PLCL1: variants seen among roughly 807,000 people sequenced by gnomAD.
PLCL1 encodes phospholipase C like 1 (inactive).
A neutral mutation model predicts 84.4 loss-of-function variants in PLCL1; 41 were observed. The observed-to-expected ratio is 0.49, with a 90% CI of 0.38 to 0.63. The LOEUF is 0.63. Among genes scored for constraint, PLCL1 ranks in the 30% least tolerant of loss-of-function variants. PLCL1 has a pLI of 0.00. For synonymous variants in PLCL1, 490 were observed against 488.3 expected (o/e 1.00, Z -0.05); for missense variants, 1,206 against 1,367.8 (o/e 0.88, Z 1.87).
At chr2:198,035,684 G>A (rs569553578) in intron 1 of PLCL1, among the ~76,000 whole-genome samples, 1 of 152,188 alleles carries the variant, frequency 6.6e-6, no homozygotes, top group Non-Finnish European at 1.5e-5. Flanking sequence ...AAATAGATGA[G>A]CAACTATGTA....
chr2:197,971,955 C>A (rs1689877015), intron 1 of PLCL1, among the ~76,000 whole-genome samples: 1 of 152,134 alleles, frequency 6.6e-6, no homozygotes, highest in Admixed American at 6.5e-5. Flanking sequence ...TAAAAGTAAT[C>A]AGAAGTATAC....
intron 1 of PLCL1, among the ~76,000 whole-genome samples, chr2:197,978,401 C>T (rs575683727): frequency 1.3e-5 from 2 of 152,092 alleles, no homozygotes; most frequent in African/African-American, 4.8e-5. Context: ...GGCGTGAACC[C>T]GGGAGGCAGA....
chr2:198,015,666 A>C (rs1381872341), intron 1 of PLCL1, among the ~76,000 whole-genome samples: 2 of 152,208 alleles, frequency 1.3e-5, no homozygotes, highest in Non-Finnish European at 2.9e-5. Context: ...TGAGAGAGAC[A>C]GACAGCTCCG....
rs765368018 is a variant in PLCL1 at position 198,084,372 on chromosome 2, A to G, written c.855A>G (p.Lys285=). The change falls in exon 2 of 6, where the codon AAA becomes AAG. Residue 285 remains lysine, a synonymous_variant. Transcript: ENST00000428675. ...LKEAKIRLKF[K]EIQKSKEKLT... ...AAGCCAAGATCAGGTTAAAGTTTAA[A>G]GAAATCCAGAAGAGCAAGGAAAAAC... The G allele has an allele frequency of 6.2e-7, 1 of 1,614,182 alleles. No homozygotes were observed. Among genetic ancestry groups the G allele is most frequent in the Non-Finnish European group, 8.5e-7 (1 of 1,180,000 alleles).
At chr2:197,863,302 A>G (rs537335809) in intron 1 of PLCL1, among the ~76,000 whole-genome samples, 5 of 152,268 alleles carry the variant, frequency 3.3e-5, no homozygotes, top group Admixed American at 3.3e-4. Context: ...GACAAACTTA[A>G]AATGTTTTCT....
chr2:198,104,595 A>G (rs1693426729), intron 5 of PLCL1, among the ~76,000 whole-genome samples: 1 of 151,980 alleles, frequency 6.6e-6, no homozygotes, highest in African/African-American at 2.4e-5. Context: ...ATTCTGTTTT[A>G]AGTTCTTTGA....
Position 198,045,715 on chromosome 2 carries a change from T to A in PLCL1, c.241-38043T>A, listed in dbSNP as rs143122264. 5.1e-3 allele frequency among the ~76,000 whole-genome samples: 770 copies of A among 152,312 alleles called. 10 individuals are homozygous for A. The highest frequency in any genetic ancestry group is 0.016 in the African/African-American group (684 of 41,580). Reference sequence around the variant, plus strand: ...AATCAATGGCTCTGCCAGATTCATATGTTAATTTTTAATGAGTAGACATTT... The same window carrying A: ...AATCAATGGCTCTGCCAGATTCATAAGTTAATTTTTAATGAGTAGACATTT... On this transcript the variant is annotated intron_variant, in intron 1 of 5. Transcript: ENST00000428675.
At chr2:198,101,431 G>T in intron 4 of PLCL1, 71 bp downstream of exon 4, 1 of 850,022 alleles carries the variant, frequency 1.2e-6, no homozygotes. Context: ...ATTCTTGGTA[G>T]ATTTTTTTTT....
At chr2:198,127,011 T>TGTGTGTGTG (rs762931586) in intron 5 of PLCL1, among the ~76,000 whole-genome samples, 23 of 56,846 alleles carry the variant, frequency 4.0e-4, no homozygotes, top group African/African-American at 1.3e-3. Context: ...TGTGTGTGTG[T>TGTGTGTGTG]GGGGGGTGGT....
intron 1 of PLCL1, among the ~76,000 whole-genome samples, chr2:197,832,203 A>G (rs537468017): frequency 2.4e-4 from 36 of 152,322 alleles, no homozygotes; most frequent in Middle Eastern, 3.4e-3. Context: ...TCAAAAAATC[A>G]ATGAATCCAA....
chr2:197,930,627 G>T (rs1688913301), intron 1 of PLCL1, among the ~76,000 whole-genome samples: 1 of 152,050 alleles, frequency 6.6e-6, no homozygotes, highest in Non-Finnish European at 1.5e-5. Context: ...TATGTTCATA[G>T]AACTCTAGGC....
chr2:198,127,205 T>C (rs186176783), intron 5 of PLCL1, among the ~76,000 whole-genome samples: 40 of 152,240 alleles, frequency 2.6e-4, no homozygotes, highest in African/African-American at 9.1e-4. Flanking sequence ...TTACTGTGAA[T>C]AATCATAAAT....
intron 5 of PLCL1, among the ~76,000 whole-genome samples, chr2:198,118,828 C>G (rs1032687142): frequency 2.0e-5 from 3 of 151,996 alleles, no homozygotes; most frequent in African/African-American, 7.2e-5. Flanking sequence ...AAGCATTTTT[C>G]TGTCTCTAAC....
At chr2:197,849,024 A>C (rs982479443) in intron 1 of PLCL1, among the ~76,000 whole-genome samples, 1 of 152,188 alleles carries the variant, frequency 6.6e-6, no homozygotes. Context: ...ATTGACAATG[A>C]AGACTTGGTA....
intron 1 of PLCL1, among the ~76,000 whole-genome samples, chr2:197,941,794 A>G (rs1036731286): frequency 6.6e-6 from 1 of 151,926 alleles, no homozygotes; most frequent in African/African-American, 2.4e-5. Context: ...TTAACATCTT[A>G]GCCCCACTGG....
intron 1 of PLCL1, among the ~76,000 whole-genome samples, chr2:197,923,657 G>A (rs904888942): frequency 6.8e-6 from 1 of 147,378 alleles, no homozygotes; most frequent in Non-Finnish European, 1.5e-5. Context: ...GGGCGCAGAC[G>A]CTCCTCACTT....
chr2:197,953,812 T>G (rs1689434234), intron 1 of PLCL1, among the ~76,000 whole-genome samples: 1 of 152,104 alleles, frequency 6.6e-6, no homozygotes, highest in Non-Finnish European at 1.5e-5. Flanking sequence ...TTTTGTTATC[T>G]TTTCTAAGTG....
intron 1 of PLCL1, among the ~76,000 whole-genome samples, chr2:197,902,450 G>C (rs530790547): frequency 6.6e-6 from 1 of 152,172 alleles, no homozygotes; most frequent in Admixed American, 6.5e-5. Context: ...AAGTGTGAAC[G>C]TGACATTGGA....
At chr2:198,058,698 C>A (rs185180601) in intron 1 of PLCL1, among the ~76,000 whole-genome samples, 57 of 151,994 alleles carry the variant, frequency 3.8e-4, no homozygotes, top group African/African-American at 1.4e-3. Context: ...TAAAAGATAG[C>A]TGTTTTACTT....
Sources: gnomAD v4.1 joint callset for allele counts (sites outside exome capture counted in the v4.1 genomes callset) on GRCh38, gnomAD v4.1.1 for gene constraint, MANE v1.5 for transcripts, NCBI Gene and HGNC (gene_info 2026-07-23, HGNC 2026-07-21) for gene names.